DPYD: variants seen among roughly 807,000 people sequenced by gnomAD.
The protein encoded by DPYD is dihydropyrimidine dehydrogenase.
A neutral mutation model predicts 116.2 loss-of-function variants in DPYD; 109 were observed. That is an observed-to-expected ratio of 0.94 (90% CI 0.80 to 1.10). The LOEUF is 1.10. DPYD is among the 50% of genes least tolerant of loss of function. DPYD has a pLI of 0.00. For synonymous variants in DPYD, 440 were observed against 432.0 expected, an observed-to-expected ratio of 1.02 and a Z score of -0.23; for missense variants, 1,302 against 1,254.5, an observed-to-expected ratio of 1.04 and a Z score of -0.57.
intron 21 of DPYD, among the ~76,000 whole-genome samples, chr1:97,083,538 T>C (rs1349909546): frequency 6.6e-6 from 1 of 152,144 alleles, no homozygotes; most frequent in East Asian, 1.9e-4. Context: ...AGTGATAAGA[T>C]GCTAGAAAAC....
intron 8 of DPYD, among the ~76,000 whole-genome samples, chr1:97,646,980 AAAG>A (rs1483943242): frequency 2.0e-5 from 3 of 152,080 alleles, no homozygotes; most frequent in African/African-American, 4.8e-5. Context: ...CCATCCATTT[AAAG>A]AAGAACAAAG....
chr1:97,082,942 G>C (rs549877872), intron 21 of DPYD, among the ~76,000 whole-genome samples: 39 of 152,194 alleles, frequency 2.6e-4, no homozygotes, highest in African/African-American at 9.1e-4. Flanking sequence ...GAGGATTTTA[G>C]ATTTTAATTT....
chr1:97,249,286 C>A (rs1486254718), intron 18 of DPYD, among the ~76,000 whole-genome samples: 1 of 151,680 alleles, frequency 6.6e-6, no homozygotes, highest in Non-Finnish European at 1.5e-5. Flanking sequence ...CAGGTAAGGC[C>A]AATTAATTTT....
At chr1:97,789,475 T>C (rs1667208455) in intron 3 of DPYD, among the ~76,000 whole-genome samples, 1 of 152,204 alleles carries the variant, frequency 6.6e-6, no homozygotes, top group Admixed American at 6.5e-5. Context: ...ATCAGTAAGA[T>C]ACAAAACCCT....
intron 11 of DPYD, among the ~76,000 whole-genome samples, chr1:97,562,847 G>A (rs962727676): frequency 2.0e-5 from 3 of 151,984 alleles, no homozygotes; most frequent in Non-Finnish European, 4.4e-5. Context: ...GCCCCCCCGA[G>A]TAGCTGGGAT....
chr1:97,622,846 G>A (rs1340298297), intron 8 of DPYD, among the ~76,000 whole-genome samples: 1 of 151,944 alleles, frequency 6.6e-6, no homozygotes, highest in Non-Finnish European at 1.5e-5. Flanking sequence ...TTTCCAGTGT[G>A]GTGAAAGTGA....
chr1:97,688,775 T>C (rs137953474), intron 7 of DPYD, among the ~76,000 whole-genome samples: 98 of 152,030 alleles, frequency 6.4e-4, no homozygotes, highest in African/African-American at 2.3e-3. Flanking sequence ...ATTACATAAA[T>C]AAATGAATGC....
At chr1:97,650,786 T>C (rs551906320) in intron 8 of DPYD, among the ~76,000 whole-genome samples, 46 of 152,244 alleles carry the variant, frequency 3.0e-4, no homozygotes, top group African/African-American at 9.9e-4. Context: ...ATCAGTTTAC[T>C]TGTTCCTTGA....
chr1:97,534,562 C>T (rs1404051882), intron 12 of DPYD, among the ~76,000 whole-genome samples: 1 of 151,802 alleles, frequency 6.6e-6, no homozygotes, highest in Non-Finnish European at 1.5e-5. Flanking sequence ...ACATTTTTTT[C>T]TTTTATTTTT....
intron 8 of DPYD, among the ~76,000 whole-genome samples, chr1:97,641,304 A>G (rs1172914464): frequency 6.6e-6 from 1 of 152,190 alleles, no homozygotes; most frequent in Non-Finnish European, 1.5e-5. Context: ...TTGGAGACAT[A>G]TATAATGAGC....
chr1:97,751,594 T>G (rs1664929088), intron 3 of DPYD, among the ~76,000 whole-genome samples: 1 of 148,482 alleles, frequency 6.7e-6, no homozygotes, highest in East Asian at 2.0e-4. Context: ...AAAGACCTTG[T>G]CTCTACCAAA....
intron 16 of DPYD, among the ~76,000 whole-genome samples, chr1:97,369,423 C>G (rs574182715): frequency 5.3e-5 from 8 of 152,122 alleles, no homozygotes; most frequent in Non-Finnish European, 1.2e-4. Context: ...GTTAACAATA[C>G]TGATACTTAA....
intron 2 of DPYD, among the ~76,000 whole-genome samples, 163 bp from the exon 3 acceptor site, chr1:97,828,359 A>T (rs1381896065): frequency 1.3e-5 from 2 of 152,216 alleles, no homozygotes; most frequent in Non-Finnish European, 2.9e-5. Context: ...AGTTAAATCC[A>T]ACAGTAACAA....
At chr1:97,571,849 T>G (rs1255085467) in intron 11 of DPYD, among the ~76,000 whole-genome samples, 1 of 152,024 alleles carries the variant, frequency 6.6e-6, no homozygotes, top group Admixed American at 6.6e-5. Flanking sequence ...CTTGATCAAA[T>G]TCTAACAAAC....
At chr1:97,446,699 A>C (rs773298480) in intron 14 of DPYD, among the ~76,000 whole-genome samples, 2 of 152,076 alleles carry the variant, frequency 1.3e-5, no homozygotes, top group Non-Finnish European at 2.9e-5. Context: ...TTTGCTTCCT[A>C]ATTCAGTGCA....
chr1:97,427,196 A>G (rs1321490233), intron 14 of DPYD, among the ~76,000 whole-genome samples: 1 of 152,038 alleles, frequency 6.6e-6, no homozygotes, highest in African/African-American at 2.4e-5. Flanking sequence ...TGTTTTTGAG[A>G]TTAATTATCT....
At chr1:97,339,293 G>A (rs1669468538) in intron 16 of DPYD, among the ~76,000 whole-genome samples, 1 of 151,984 alleles carries the variant, frequency 6.6e-6, no homozygotes, top group African/African-American at 2.4e-5. Context: ...TTGAAGAAAG[G>A]CTTGTGCCTT....
At chr1:97,273,587 T>A (rs1664737328) in intron 18 of DPYD, among the ~76,000 whole-genome samples, 1 of 152,176 alleles carries the variant, frequency 6.6e-6, no homozygotes, top group Non-Finnish European at 1.5e-5. Context: ...AAGCTATTTA[T>A]AAATTGGAAA....
intron 14 of DPYD, among the ~76,000 whole-genome samples, chr1:97,398,059 T>G (rs1231786363): frequency 6.6e-6 from 1 of 151,986 alleles, no homozygotes; most frequent in Non-Finnish European, 1.5e-5. Context: ...AAATCATCAT[T>G]TACATTAGGT....
Sources: allele counts gnomAD v4.1 joint callset (sites outside exome capture counted in the v4.1 genomes callset), GRCh38; gene constraint gnomAD v4.1.1; transcripts MANE v1.5; gene names NCBI Gene and HGNC (gene_info 2026-07-23, HGNC 2026-07-21).